Variants in CFAP299 observed in about 807,000 individuals in gnomAD.
CFAP299 encodes the protein cilia and flagella associated protein 299, also known as cilia- and flagella-associated protein 299.
In CFAP299, 21 loss-of-function variants were observed where a neutral mutation model predicts 27.0. That is an observed-to-expected ratio of 0.78 (90% CI 0.55 to 1.12). The LOEUF (loss-of-function observed/expected upper bound fraction) is 1.12, where lower values mean the gene tolerates loss of function less well. Ranked by LOEUF, CFAP299 falls within the 50% of genes most tolerant of loss-of-function variation. CFAP299 has a pLI of 0.00. For missense variants in CFAP299, 310 were observed against 276.6 expected (o/e 1.12, Z -0.86); for synonymous variants, 104 against 98.1 (o/e 1.06, Z -0.36).
intron 4 of CFAP299, 70 bp from the exon 5 acceptor site, chr4:80,944,740 G>C: frequency 1.7e-6 from 2 of 1,199,648 alleles, no homozygotes; most frequent in Non-Finnish European, 2.3e-6. Context: ...TCCCCAAATA[G>C]TTCTTAAACT....
At chr4:80,335,936 A>G (rs768848900) in intron 1 of CFAP299, 57 bp downstream of exon 1, 2 of 1,109,070 alleles carry the variant, frequency 1.8e-6, no homozygotes, top group Non-Finnish European at 2.8e-6. Context: ...TCCCTCCTCG[A>G]GTTCCCGCTT....
At chr4:80,938,018 T>G (rs1213174602) in intron 4 of CFAP299, among the ~76,000 whole-genome samples, 1 of 152,220 alleles carries the variant, frequency 6.6e-6, no homozygotes, top group Non-Finnish European at 1.5e-5. Context: ...ACACTTTTAC[T>G]TCTCCCTCTA....
intron 3 of CFAP299, among the ~76,000 whole-genome samples, chr4:80,846,100 G>A (rs1260887488): frequency 6.6e-6 from 1 of 152,086 alleles, no homozygotes; most frequent in Non-Finnish European, 1.5e-5. Flanking sequence ...TTAATCACAA[G>A]CAGCTCAAGC....
At chr4:80,579,342 A>G (rs1326069330) in intron 2 of CFAP299, among the ~76,000 whole-genome samples, 1 of 152,224 alleles carries the variant, frequency 6.6e-6, no homozygotes, top group African/African-American at 2.4e-5. Flanking sequence ...AGTGACATGA[A>G]CATAACTAGC....
chr4:80,558,101 A>G (rs1376044549), intron 2 of CFAP299, among the ~76,000 whole-genome samples: 1 of 152,128 alleles, frequency 6.6e-6, no homozygotes, highest in Non-Finnish European at 1.5e-5. Context: ...TATGAGAGAA[A>G]TCCCAATTAA....
At chr4:80,541,464 T>C (rs59911046) in intron 2 of CFAP299, among the ~76,000 whole-genome samples, 10,578 of 152,266 alleles carry the variant, frequency 0.069, 551 homozygotes, top group East Asian at 0.25. Flanking sequence ...TTATATATCA[T>C]TTTATATAGG....
At chr4:80,831,583 T>G (rs2110131779) in intron 3 of CFAP299, among the ~76,000 whole-genome samples, 1 of 152,142 alleles carries the variant, frequency 6.6e-6, no homozygotes, top group East Asian at 1.9e-4. Flanking sequence ...TCCAGACCTA[T>G]TCCCATTCTT....
intron 3 of CFAP299, among the ~76,000 whole-genome samples, chr4:80,766,376 T>C (rs2110081004): frequency 6.6e-6 from 1 of 152,282 alleles, no homozygotes; most frequent in South Asian, 2.1e-4. Context: ...TAATTTGCTG[T>C]TTTTAAACAA....
intron 1 of CFAP299, among the ~76,000 whole-genome samples, chr4:80,359,902 CT>C (rs1396835173): frequency 6.6e-6 from 1 of 152,310 alleles, no homozygotes; most frequent in East Asian, 1.9e-4. Context: ...GGCACTCTGG[CT>C]TTTTAAGTTT....
chr4:80,496,652 A>G (rs190227345), intron 2 of CFAP299, among the ~76,000 whole-genome samples: 1 of 152,330 alleles, frequency 6.6e-6, no homozygotes, highest in Admixed American at 6.5e-5. Flanking sequence ...ATTTTCTAAT[A>G]TCTTCGTGGT....
rs150368916 is a variant in CFAP299 at position 80,555,147 on chromosome 4, G to A, written c.243-27946G>A. Among the ~76,000 whole-genome samples, 973 of 152,170 alleles carry A rather than the reference G, an allele frequency of 6.4e-3. 13 individuals are homozygous for A. Among genetic ancestry groups the A allele is most frequent in the African/African-American group, 0.022 (933 of 41,520 alleles). ...TGTTGGCTGTGGGTTTGTCATAGAT[G>A]GCTCTTGTTATTTTGAGGTATGTTT... On this transcript the variant is annotated intron_variant, in intron 2 of 5. Transcript: ENST00000358105.
intron 4 of CFAP299, among the ~76,000 whole-genome samples, chr4:80,909,375 T>A (rs1229372076): frequency 6.6e-6 from 1 of 152,088 alleles, no homozygotes; most frequent in East Asian, 1.9e-4. Context: ...AATTTAATTA[T>A]AATGACAATG....
chr4:80,521,015 A>T (rs1732881590), intron 2 of CFAP299, among the ~76,000 whole-genome samples: 1 of 152,192 alleles, frequency 6.6e-6, no homozygotes, highest in Non-Finnish European at 1.5e-5. Flanking sequence ...ATAGGAAATT[A>T]TGTAAGTAGA....
rs143276281 is a variant in CFAP299, at chr4:80,498,571, T to C, written c.243-84522T>C. On this transcript the variant is annotated intron_variant, in intron 2 of 5. Transcript: ENST00000358105. ...ATCTCATACCAGTCAGAATGGCTAT[T>C]ATTAAAAAGTAAAAAAAAAAATCAG... 8.4e-3 allele frequency among the ~76,000 whole-genome samples: 1,128 copies of C among 133,746 alleles called. 10 individuals carry two copies. The highest frequency in any genetic ancestry group is 9.3e-3 in the Non-Finnish European group (614 of 65,676). 87.7% of individuals were successfully genotyped at this position (133,746 alleles called of 152,430 possible).
At chr4:80,476,565 T>A (rs1432325076) in intron 2 of CFAP299, among the ~76,000 whole-genome samples, 1 of 152,168 alleles carries the variant, frequency 6.6e-6, no homozygotes, top group African/African-American at 2.4e-5. Flanking sequence ...AAGGTTCAGA[T>A]AAGATTTCTT....
intron 2 of CFAP299, among the ~76,000 whole-genome samples, chr4:80,514,462 GT>G (rs1268756107): frequency 6.6e-6 from 1 of 152,026 alleles, no homozygotes; most frequent in East Asian, 1.9e-4. Context: ...AGTTTTAAAA[GT>G]TTTTGAACTC....
At chr4:80,824,936 G>T (rs537208355) in intron 3 of CFAP299, among the ~76,000 whole-genome samples, 1 of 152,068 alleles carries the variant, frequency 6.6e-6, no homozygotes, top group Admixed American at 6.6e-5. Context: ...AGAGTGACCA[G>T]ATGTCAGACC....
intron 1 of CFAP299, among the ~76,000 whole-genome samples, chr4:80,353,527 C>A (rs561969720): frequency 5.9e-5 from 9 of 152,250 alleles, no homozygotes; most frequent in African/African-American, 1.9e-4. Context: ...TCCAGATTGC[C>A]AAAAATTAGT....
At chr4:80,370,498 A>G (rs1421494338) in intron 2 of CFAP299, among the ~76,000 whole-genome samples, 1 of 152,230 alleles carries the variant, frequency 6.6e-6, no homozygotes, top group African/African-American at 2.4e-5. Context: ...TTTGCCTATG[A>G]GCCTGTAAAA....
Sources: gnomAD v4.1 joint callset for allele counts (sites outside exome capture counted in the v4.1 genomes callset) on GRCh38, gnomAD v4.1.1 for gene constraint, MANE v1.5 for transcripts, NCBI Gene and HGNC (gene_info 2026-07-23, HGNC 2026-07-21) for gene names.